AGO3: variants seen among roughly 807,000 people sequenced by gnomAD.
The protein encoded by AGO3 is protein argonaute-3.
AGO3 carries 16 observed loss-of-function variants against 105.5 expected under a neutral mutation model. The ratio of observed to expected loss-of-function variants is 0.15; its 90% CI spans 0.10 to 0.23. The LOEUF is 0.23. Among genes scored for constraint, AGO3 ranks in the 10% least tolerant of loss-of-function variants. The probability of loss-of-function intolerance (pLI) is 1.00; values close to 1 mark genes in which losing one functional copy is unlikely to be tolerated. For synonymous variants in AGO3, 340 were observed against 367.3 expected (o/e 0.93, Z 0.85); for missense variants, 534 against 1,088.0 (o/e 0.49, Z 7.16).
At chr1:35,936,256 A>T (rs1646143901) in intron 1 of AGO3, among the ~76,000 whole-genome samples, 1 of 142,446 alleles carries the variant, frequency 7.0e-6, no homozygotes, top group Non-Finnish European at 1.6e-5. Flanking sequence ...GCCACTGCTT[A>T]AAAAAAAAAA....
intron 13 of AGO3, 68 bp downstream of exon 13, chr1:36,034,401 C>G (rs566933187): frequency 1.3e-4 from 156 of 1,195,076 alleles, no homozygotes; most frequent in Middle Eastern, 3.0e-4. Flanking sequence ...ATGACCATAT[C>G]TAACTACTAT....
chr1:35,971,857 C>T (rs1571450989), intron 3 of AGO3, among the ~76,000 whole-genome samples, 167 bp from the exon 4 acceptor site: 1 of 151,718 alleles, frequency 6.6e-6, no homozygotes, highest in Non-Finnish European at 1.5e-5. Context: ...AATGCTGGCA[C>T]GAGTAACTAT....
intron 17 of AGO3, among the ~76,000 whole-genome samples, chr1:36,048,586 G>T (rs1010938571): frequency 6.6e-6 from 1 of 152,068 alleles, no homozygotes; most frequent in African/African-American, 2.4e-5. Flanking sequence ...AAGGAAGAAA[G>T]GATATAGAAA....
intron 11 of AGO3, among the ~76,000 whole-genome samples, chr1:36,024,061 T>C (rs76767185): frequency 0.04 from 6,077 of 152,082 alleles, 419 homozygotes; most frequent in African/African-American, 0.14. Context: ...TCCTGGAAGA[T>C]TTCCTGTACC....
At chr1:35,941,302 G>T (rs1646249636) in intron 1 of AGO3, among the ~76,000 whole-genome samples, 1 of 151,922 alleles carries the variant, frequency 6.6e-6, no homozygotes, top group African/African-American at 2.4e-5. Context: ...TGTAGTTCTA[G>T]CCAACATTAT....
chr1:36,050,832 CGTTTTGTTTTGTTTT>C (rs113654282), intron 17 of AGO3, among the ~76,000 whole-genome samples: 3 of 146,160 alleles, frequency 2.1e-5, no homozygotes, highest in African/African-American at 5.0e-5. Context: ...TGATTTCTTT[CGTTTTGTTTTGTTTT>C]GTTTTGTTTT....
At chr1:36,009,186 T>G in intron 8 of AGO3, 142 bp downstream of exon 8, 1 of 1,143,970 alleles carries the variant, frequency 8.7e-7, no homozygotes, top group South Asian at 1.9e-5. Context: ...AAATTTTCTG[T>G]AATGAAATAA....
At chr1:36,002,132 G>T (rs1218406307) in intron 5 of AGO3, among the ~76,000 whole-genome samples, 2 of 152,008 alleles carry the variant, frequency 1.3e-5, no homozygotes, top group Admixed American at 6.6e-5. Context: ...CGATTCTCTG[G>T]CCTTAGCCTT....
rs370175781 is a variant in AGO3, at chr1:36,034,350, G to A, written c.1751+17G>A. On this transcript the variant is annotated intron_variant, in intron 13 of 18. Transcript: ENST00000373191. ...TCATCAAAGGTAAGATATGCTAATC[G>A]CTTATGAAAATATTATTTTTATATC... 49 of 1,549,604 alleles carry A rather than the reference G, an allele frequency of 3.2e-5. No homozygotes were observed. The highest frequency in any genetic ancestry group is 2.0e-4 in the Middle Eastern group (1 of 5,030).
At chr1:35,964,877 A>G (rs911342613) in intron 2 of AGO3, among the ~76,000 whole-genome samples, 1 of 152,080 alleles carries the variant, frequency 6.6e-6, no homozygotes, top group Non-Finnish European at 1.5e-5. Context: ...CTAATGATCA[A>G]TAATATTGAG....
At chr1:36,003,725 T>A (rs1354344117) in intron 5 of AGO3, among the ~76,000 whole-genome samples, 12 of 139,676 alleles carry the variant, frequency 8.6e-5, no homozygotes, top group South Asian at 2.3e-4. Context: ...TATATATATA[T>A]ATATATATAT....
At chr1:36,018,721 A>G (rs1012813059) in intron 11 of AGO3, among the ~76,000 whole-genome samples, 15 of 152,112 alleles carry the variant, frequency 9.9e-5, no homozygotes, top group Admixed American at 5.9e-4. Context: ...ATGAGCCACC[A>G]CACCTGGCCA....
At chr1:36,040,186 G>A in intron 15 of AGO3, 121 bp from the exon 16 acceptor site, 1 of 1,205,346 alleles carries the variant, frequency 8.3e-7, no homozygotes, top group Admixed American at 2.7e-5. Flanking sequence ...CGTTAAAATG[G>A]AATCTATTAG....
chr1:36,027,226 C>A lies in AGO3; in HGVS notation c.1519C>A (p.Arg507=). ...GGCAGACAGCGTAGAGCCCATGTTC[C>A]GGCATCTCAAGAACACATATTCTGG... ...QGADSVEPMF[R]HLKNTYSGLQ... The change falls in exon 12 of 19, where the codon CGG becomes AGG. Residue 507 remains arginine, a synonymous_variant. Transcript: ENST00000373191. The surrounding 1 kb of genome is among the most constrained non-coding windows in gnomAD (Gnocchi z 4.0). The A allele has an allele frequency of 6.2e-7, 1 of 1,614,184 alleles. No individual in the cohort carries two copies. The highest frequency in any genetic ancestry group is 8.5e-7 in the Non-Finnish European group (1 of 1,180,022).
At chr1:36,010,227 C>G (rs918563005) in intron 9 of AGO3, among the ~76,000 whole-genome samples, 6 of 152,024 alleles carry the variant, frequency 3.9e-5, no homozygotes, top group African/African-American at 7.2e-5. Flanking sequence ...GCGTGAGCCA[C>G]CGCACCCGGC....
At chr1:35,978,231 C>T (rs967107109) in intron 5 of AGO3, among the ~76,000 whole-genome samples, 2 of 152,062 alleles carry the variant, frequency 1.3e-5, no homozygotes, top group Non-Finnish European at 2.9e-5. Flanking sequence ...CTCTTGTCAC[C>T]CAGGCTGGAG....
intron 2 of AGO3, among the ~76,000 whole-genome samples, chr1:35,960,982 T>G (rs993859909): frequency 6.6e-6 from 1 of 151,394 alleles, no homozygotes; most frequent in African/African-American, 2.4e-5. Context: ...CTCGCTCTGA[T>G]GCCCAGGGTG....
chr1:36,023,504 T>G (rs76440001), intron 11 of AGO3, among the ~76,000 whole-genome samples: 2,337 of 152,350 alleles, frequency 0.015, 50 homozygotes, highest in African/African-American at 0.053. Context: ...AAGACTTATG[T>G]ACAGAAAAAG....
chr1:36,001,934 TAAAG>T (rs1022649752), intron 5 of AGO3, among the ~76,000 whole-genome samples: 3 of 152,106 alleles, frequency 2.0e-5, no homozygotes, highest in African/African-American at 4.8e-5. Context: ...ATTTGTGTAA[TAAAG>T]AAGTAAAAAA....
Sources: allele counts gnomAD v4.1 joint callset (sites outside exome capture counted in the v4.1 genomes callset), GRCh38; gene constraint gnomAD v4.1.1; non-coding constraint Gnocchi (gnomAD v3.1); transcripts MANE v1.5; gene names NCBI Gene and HGNC (gene_info 2026-07-23, HGNC 2026-07-21).